The following LNP1 variants were observed in gnomAD, a reference collection of about 807,000 sequenced individuals.
LNP1 encodes leukemia NUP98 fusion partner 1.
Under a neutral mutation model 14.5 loss-of-function variants are expected in LNP1, and 12 were observed. The ratio of observed to expected loss-of-function variants is 0.83; its 90% CI spans 0.53 to 1.34. The LOEUF is 1.34. LNP1 is among the 40% of genes most tolerant of loss of function. The pLI is 0.00. For synonymous variants in LNP1, 75 were observed against 71.4 expected, an observed-to-expected ratio of 1.05 and a Z score of -0.26; for missense variants, 198 against 210.9, an observed-to-expected ratio of 0.94 and a Z score of 0.38.
At chr3:100,403,118 C>A (rs1336263684) in intron 1 of LNP1, among the ~76,000 whole-genome samples, 2 of 152,168 alleles carry the variant, frequency 1.3e-5, no homozygotes, top group Non-Finnish European at 2.9e-5. Flanking sequence ...GGCTTTGGGA[C>A]CTTACTGATC....
chr3:100,451,382 G>T (rs1423114059), intron 2 of LNP1, among the ~76,000 whole-genome samples: 4 of 152,190 alleles, frequency 2.6e-5, no homozygotes, highest in African/African-American at 9.7e-5. Flanking sequence ...CAGGTCATGG[G>T]TAGATAAGAG....
intron 1 of LNP1, among the ~76,000 whole-genome samples, chr3:100,405,982 A>G (rs2148897932): frequency 6.6e-6 from 1 of 152,284 alleles, no homozygotes; most frequent in East Asian, 1.9e-4. Flanking sequence ...AGCACCTAGC[A>G]CTATTAGAAA....
intron 2 of LNP1, among the ~76,000 whole-genome samples, chr3:100,449,441 C>T (rs1474490271): frequency 6.6e-6 from 1 of 152,144 alleles, no homozygotes; most frequent in Non-Finnish European, 1.5e-5. Context: ...ACAGGTTTCT[C>T]CCCCAAAGGG....
chr3:100,410,072 G>A (rs999091746), intron 1 of LNP1, among the ~76,000 whole-genome samples: 2 of 151,988 alleles, frequency 1.3e-5, no homozygotes, highest in East Asian at 3.9e-4. Context: ...TACTAGGAAT[G>A]GGGTGCTAAT....
At chr3:100,413,546 TC>T (rs2148899683) in intron 1 of LNP1, among the ~76,000 whole-genome samples, 1 of 152,370 alleles carries the variant, frequency 6.6e-6, no homozygotes, top group African/African-American at 2.4e-5. Flanking sequence ...ATTTATAAGA[TC>T]TTTCCATCTT....
At chr3:100,434,848 T>A (rs9653959) in intron 2 of LNP1, among the ~76,000 whole-genome samples, 5,432 of 142,176 alleles carry the variant, frequency 0.038, 367 homozygotes, top group East Asian at 0.32. Context: ...TTTTTTTTTT[T>A]AATTAAATTA....
chr3:100,448,634 G>A (rs978471541), intron 2 of LNP1, among the ~76,000 whole-genome samples: 20 of 152,102 alleles, frequency 1.3e-4, no homozygotes, highest in African/African-American at 4.8e-4. Context: ...TTTAAAGTTA[G>A]CTTACTTATT....
chr3:100,455,477 T>C (rs1375163165), intron 3 of LNP1, among the ~76,000 whole-genome samples: 2 of 152,230 alleles, frequency 1.3e-5, no homozygotes, highest in Non-Finnish European at 2.9e-5. Context: ...CAGGGAACTA[T>C]TAATTTCATT....
At chr3:100,409,557 TACAC>T (rs35651277) in intron 1 of LNP1, among the ~76,000 whole-genome samples, 31,237 of 126,054 alleles carry the variant, frequency 0.25, 4,445 homozygotes, top group Middle Eastern at 0.4. Flanking sequence ...TATATATACA[TACAC>T]ACACACACAC....
chr3:100,411,195 T>C (rs1199391735), intron 1 of LNP1, among the ~76,000 whole-genome samples: 2 of 152,240 alleles, frequency 1.3e-5, no homozygotes, highest in Non-Finnish European at 1.5e-5. Flanking sequence ...CTTCCTTCTT[T>C]GCTATTTCTC....
rs956723481 is a variant in LNP1, at chr3:100,429,738, C to T, written c.9C>T (p.His3=). The change falls in exon 2 of 4, where the codon CAC becomes CAT. Residue 3 remains histidine, a synonymous_variant. Transcript: ENST00000383693. ME[H]KDDDDDDVSF... The stretch of plus-strand genomic sequence containing the variant: ...TTTGGCATCACCTTTACATGGAGCA[C>T]AAAGATGATGATGATGATGATGTGT... 1 of 1,613,626 alleles carries T rather than the reference C, an allele frequency of 6.2e-7. No individual in the cohort carries two copies. The highest frequency in any genetic ancestry group is 8.5e-7 in the Non-Finnish European group (1 of 1,179,752).
In LNP1 at chr3:100,425,624, T is replaced by C. The variant is rs1206386149; in HGVS notation, c.-33-4073T>C. On this transcript the variant is annotated intron_variant, in intron 1 of 3. Coordinates refer to ENST00000383693, the MANE Select transcript of LNP1 (RefSeq NM_001085451.2). ...CATTCAGAAATCATAACTTTACCTTTTCCCCAGCCATTGTTTATTCTTATC... is the reference window on the plus strand; with the variant it reads ...CATTCAGAAATCATAACTTTACCTTCTCCCCAGCCATTGTTTATTCTTATC... 2.0e-5 allele frequency among the ~76,000 whole-genome samples: 3 copies of C among 152,326 alleles called. No homozygotes were observed. In the East Asian group the frequency reaches 5.8e-4, roughly 29 times the overall value.
chr3:100,437,335 G>A (rs1707302473), intron 2 of LNP1, among the ~76,000 whole-genome samples: 1 of 152,144 alleles, frequency 6.6e-6, no homozygotes, highest in African/African-American at 2.4e-5. Flanking sequence ...AGCGTTATAA[G>A]CTCACAGGAG....
At chr3:100,430,295 C>G (rs927423669) in intron 2 of LNP1, among the ~76,000 whole-genome samples, 24 of 152,192 alleles carry the variant, frequency 1.6e-4, no homozygotes, top group African/African-American at 5.8e-4. Flanking sequence ...TTCTAAGGAA[C>G]TGGGGATCCC....
intron 1 of LNP1, among the ~76,000 whole-genome samples, chr3:100,416,346 C>G (rs1050560269): frequency 6.6e-6 from 1 of 152,130 alleles, no homozygotes; most frequent in Non-Finnish European, 1.5e-5. Context: ...TCAAGAGGTT[C>G]CAAGGTCATT....
chr3:100,425,188 A>G (rs1388169754), intron 1 of LNP1, among the ~76,000 whole-genome samples: 1 of 152,210 alleles, frequency 6.6e-6, no homozygotes, highest in Non-Finnish European at 1.5e-5. Flanking sequence ...CAATGAAAAC[A>G]TGCGTTAGTC....
At chr3:100,440,564 T>C (rs1707335386) in intron 2 of LNP1, among the ~76,000 whole-genome samples, 1 of 152,186 alleles carries the variant, frequency 6.6e-6, no homozygotes, top group African/African-American at 2.4e-5. Context: ...GGTAAAAATA[T>C]TGTTATTTTA....
intron 2 of LNP1, among the ~76,000 whole-genome samples, chr3:100,449,488 G>A (rs935495891): frequency 2.0e-5 from 3 of 152,066 alleles, no homozygotes; most frequent in Non-Finnish European, 4.4e-5. Context: ...AAAGAACCCT[G>A]GGCTATTATA....
At position 100,429,898 on chromosome 3, in the gene LNP1, C is replaced by T; in HGVS notation, c.156+13C>T. ...CCTGCCCTGCCCAGTGAGTGATTGTCATGGAACCGGAGGGGAGAGCTGGAA... is the reference window on the plus strand; with the variant it reads ...CCTGCCCTGCCCAGTGAGTGATTGTTATGGAACCGGAGGGGAGAGCTGGAA... On this transcript the variant is annotated intron_variant, in intron 2 of 3. Transcript: ENST00000383693. 6.2e-7 allele frequency: 1 copy of T among 1,610,626 alleles called. No homozygotes were observed. The highest frequency in any genetic ancestry group is 1.3e-5 in the African/African-American group (1 of 74,870).
Sources: gnomAD v4.1 joint callset for allele counts (sites outside exome capture counted in the v4.1 genomes callset) on GRCh38, gnomAD v4.1.1 for gene constraint, MANE v1.5 for transcripts, NCBI Gene and HGNC (gene_info 2026-07-23, HGNC 2026-07-21) for gene names.